The following TLCD4 variants were observed in gnomAD, a reference collection of about 807,000 sequenced individuals.
TLCD4 encodes TLC domain containing 4, also known as TLC domain-containing protein 4.
In TLCD4, 7 loss-of-function variants were observed where a neutral mutation model predicts 24.2. The ratio of observed to expected loss-of-function variants is 0.29; its 90% CI spans 0.16 to 0.54. The LOEUF (loss-of-function observed/expected upper bound fraction) is 0.54. TLCD4 is among the 20% of genes least tolerant of loss of function. TLCD4 has a pLI of 0.95. For synonymous variants in TLCD4, 103 were observed against 106.4 expected (o/e 0.97, Z 0.20); for missense variants, 259 against 313.9 (o/e 0.82, Z 1.32).
chr1:95,181,493 T>G (rs1678639166), intron 6 of TLCD4, among the ~76,000 whole-genome samples: 1 of 152,194 alleles, frequency 6.6e-6, no homozygotes, highest in Non-Finnish European at 1.5e-5. Flanking sequence ...ATGTGAAATC[T>G]GAAACCATAT....
intron 4 of TLCD4, among the ~76,000 whole-genome samples, chr1:95,150,826 A>G (rs1677473856): frequency 6.6e-6 from 1 of 152,130 alleles, no homozygotes; most frequent in Admixed American, 6.5e-5. Flanking sequence ...CCCTATGACC[A>G]TCTTATCTCT....
chr1:95,148,832 GT>G (rs1677418308), intron 3 of TLCD4, 41 bp downstream of exon 3: 1 of 1,600,418 alleles, frequency 6.2e-7, no homozygotes, highest in Non-Finnish European at 8.5e-7. Context: ...TTTCATTTAT[GT>G]TTTGATATTA....
At chr1:95,108,064 T>C in the TLCD4 span, among the ~76,000 whole-genome samples, 2 of 152,172 alleles carry the variant, frequency 1.3e-5, no homozygotes, top group Admixed American at 6.5e-5. Flanking sequence ...TCCTTTATTT[T>C]TCTTTTTCTG....
the TLCD4 span, among the ~76,000 whole-genome samples, chr1:95,099,862 T>C: frequency 6.6e-6 from 1 of 152,070 alleles, no homozygotes; most frequent in African/African-American, 2.4e-5. Flanking sequence ...TCAGGTACGG[T>C]GGCTCACGTC....
intron 1 of TLCD4, among the ~76,000 whole-genome samples, chr1:95,132,123 G>A (rs1441555713): frequency 6.6e-6 from 1 of 152,192 alleles, no homozygotes; most frequent in Non-Finnish European, 1.5e-5. Context: ...TCAACTTGCA[G>A]AATTGTGAGC....
In TLCD4 at chr1:95,192,469, AT is replaced by A. The variant is rs1030833303; in HGVS notation, c.*607del. Reference sequence around the variant, plus strand: ...TGAGAAATCTCTTAACTGCATTGGTATTTTTTCTCTGTGAAAGATGACTATG... The same window carrying A: ...TGAGAAATCTCTTAACTGCATTGGTATTTTTCTCTGTGAAAGATGACTATG... On this transcript the variant is annotated 3_prime_UTR_variant, in exon 7 of 7. Transcript: ENST00000370203. 6.6e-6 allele frequency: 1 copy of A among 152,268 alleles called. No homozygotes were observed. Among genetic ancestry groups the A allele is most frequent in the Non-Finnish European group, 1.5e-5 (1 of 68,022 alleles). 9.4% of individuals were successfully genotyped at this position (152,268 alleles called of 1,614,324 possible).
intron 1 of TLCD4, among the ~76,000 whole-genome samples, chr1:95,124,378 C>T (rs1440061979): frequency 6.6e-6 from 1 of 152,118 alleles, no homozygotes; most frequent in Non-Finnish European, 1.5e-5. Flanking sequence ...AGAAGCACAC[C>T]TATTCCTGAT....
chr1:95,122,229 A>C (rs1397862723), intron 1 of TLCD4, among the ~76,000 whole-genome samples: 1 of 152,200 alleles, frequency 6.6e-6, no homozygotes, highest in Non-Finnish European at 1.5e-5. Flanking sequence ...ACATGGTGGC[A>C]TGTGCCTGTA....
chr1:95,115,245 T>G (rs758952287), upstream of TLCD4, among the ~76,000 whole-genome samples: 2 of 151,920 alleles, frequency 1.3e-5, no homozygotes, highest in Non-Finnish European at 2.9e-5. Context: ...TAGCTGAGAT[T>G]ATAGGCAAGC....
chr1:95,144,078 T>C (rs1571741049), intron 2 of TLCD4, 22 bp downstream of exon 2: 1 of 1,403,658 alleles, frequency 7.1e-7, no homozygotes, highest in Non-Finnish European at 9.3e-7. Flanking sequence ...GAAAATGTAA[T>C]TGATGACAAG....
chr1:95,162,298 A>G (rs566942379), intron 5 of TLCD4, among the ~76,000 whole-genome samples: 26 of 150,958 alleles, frequency 1.7e-4, no homozygotes, highest in African/African-American at 5.8e-4. Context: ...TTTAAAGTCT[A>G]TTTTATCAGA....
At chr1:95,097,242 A>G in the TLCD4 span, among the ~76,000 whole-genome samples, 1 of 152,330 alleles carries the variant, frequency 6.6e-6, no homozygotes, top group East Asian at 1.9e-4. Context: ...ATTCTCTTAT[A>G]GCTATTTTAG....
At chr1:95,184,964 T>C (rs1266280631) in intron 6 of TLCD4, among the ~76,000 whole-genome samples, 4 of 152,126 alleles carry the variant, frequency 2.6e-5, no homozygotes, top group Non-Finnish European at 5.9e-5. Context: ...ACTGGTTAGA[T>C]GGAAAAATTG....
chr1:95,151,431 G>A lies in TLCD4; in HGVS notation c.399+12G>A. 6.2e-7 allele frequency: 1 copy of A among 1,609,678 alleles called. No individual in the cohort carries two copies. Among genetic ancestry groups the A allele is most frequent in the African/African-American group, 1.3e-5 (1 of 74,808 alleles). ...ACTACCTTGTACTGGTGAGTTCCAGGATTTTCTGTAGCCTAACTAGCAGAC... is the reference window on the plus strand; with the variant it reads ...ACTACCTTGTACTGGTGAGTTCCAGAATTTTCTGTAGCCTAACTAGCAGAC... On this transcript the variant is annotated intron_variant, in intron 5 of 6. Coordinates refer to ENST00000370203, the MANE Select transcript of TLCD4 (RefSeq NM_152487.3).
chr1:95,195,209 T>A lies in TLCD4; in HGVS notation c.*3341T>A, dbSNP rs1679157668. ...TGAGGCACACTGGGCATTTGGAGAA[T>A]GGTTCTTCACTGGTGTAGAGAGCCA... is the stretch of plus-strand genomic sequence containing the variant. On this transcript the variant is annotated 3_prime_UTR_variant, in exon 7 of 7. Coordinates refer to ENST00000370203, the MANE Select transcript of TLCD4 (RefSeq NM_152487.3). 6.6e-6 allele frequency: 1 copy of A among 152,216 alleles called. No individual in the cohort carries two copies. The highest frequency in any genetic ancestry group is 1.5e-5 in the Non-Finnish European group (1 of 68,026). The allele number at this position is 152,216 out of a possible 1,614,324, so 9.4% of individuals were successfully genotyped here. A position where few individuals can be genotyped will look rare whatever the true frequency, so the allele number is the denominator to read the frequency against.
chr1:95,177,361 G>A (rs10458507), intron 6 of TLCD4, among the ~76,000 whole-genome samples: 149,731 of 152,218 alleles, frequency 0.98, 73,684 homozygotes, highest in East Asian at 1. Flanking sequence ...TAGTACAGGG[G>A]TAACACAGTA....
chr1:95,100,685 T>C, the TLCD4 span, among the ~76,000 whole-genome samples: 1 of 152,186 alleles, frequency 6.6e-6, no homozygotes, highest in African/African-American at 2.4e-5. Context: ...ATTTTACAAC[T>C]CAGTATAAAT....
the TLCD4 span, among the ~76,000 whole-genome samples, chr1:95,103,041 C>T: frequency 3.9e-5 from 6 of 151,938 alleles, no homozygotes; most frequent in African/African-American, 9.6e-5. Flanking sequence ...TGCAATGGCA[C>T]GATCTTGGCT....
chr1:95,185,225 G>C (rs1678790201), intron 6 of TLCD4, among the ~76,000 whole-genome samples: 1 of 152,088 alleles, frequency 6.6e-6, no homozygotes, highest in Non-Finnish European at 1.5e-5. Flanking sequence ...TTTTGGATTA[G>C]CAGGAATTGA....
Sources: gnomAD v4.1 joint callset for allele counts (sites outside exome capture counted in the v4.1 genomes callset) on GRCh38, gnomAD v4.1.1 for gene constraint, MANE v1.5 for transcripts, NCBI Gene and HGNC (gene_info 2026-07-23, HGNC 2026-07-21) for gene names.